INTS11: variants seen among roughly 807,000 people sequenced by gnomAD.
INTS11 encodes integrator complex subunit 11.
A neutral mutation model predicts 78.6 loss-of-function variants in INTS11; 77 were observed. The ratio of observed to expected loss-of-function variants is 0.98; its 90% CI spans 0.81 to 1.18. The LOEUF is 1.18. Among genes scored for constraint, INTS11 ranks in the 50% most tolerant of loss-of-function variants. The pLI, the probability that INTS11 is intolerant of heterozygous loss-of-function variation, is 0.00. For synonymous variants in INTS11, 441 were observed against 326.9 expected (o/e 1.35, Z -3.77); for missense variants, 875 against 825.9 (o/e 1.06, Z -0.73).
chr1:1,315,793 GCAGC>G (rs1642561225), intron 4 of INTS11, 175 bp from the exon 5 acceptor site: 1 of 73,748 alleles, frequency 1.4e-5, no homozygotes, highest in African/African-American at 4.3e-5. Context: ...AGGGAGGCGG[GCAGC>G]GAGGGAGGCA....
Position 1,313,605 on chromosome 1 carries a change from CAG to C in INTS11, c.958-15_958-14del, listed in dbSNP as rs1220946749. The C allele has an allele frequency of 4.3e-6, 7 of 1,612,882 alleles. No homozygotes were observed. The highest frequency in any genetic ancestry group is 5.9e-6 in the Non-Finnish European group (7 of 1,179,994). On this transcript the variant is annotated splice_polypyrimidine_tract_variant and intron_variant, in intron 9 of 16. Transcript: ENST00000435064. The stretch of plus-strand genomic sequence containing the variant: ...TGGCAAACACAACCTACAGGACACA[CAG>C]GGCCAGGTGGGGGGTCAGGGCAGCA...
intron 1 of INTS11, chr1:1,323,193 G>A (rs1442848878): frequency 1.3e-6 from 2 of 1,550,264 alleles, no homozygotes; most frequent in Admixed American, 3.9e-5. Context: ...CATGGGGGAG[G>A]ACATGGAATC....
chr1:1,312,110 C>A lies in INTS11; in HGVS notation c.1645G>T (p.Gly549Cys), dbSNP rs756503541. ...AGGACGGACTCCACAGTCACAGAGC[C>A]GTCTGGGAGGTGCTGCACACAGTGG... is the stretch of plus-strand genomic sequence containing the variant. ...KDHCVQHLPD[G>C]SVTVESVLLQ... The change falls in exon 16 of 17, where the codon GGC becomes TGC. Residue 549 changes from glycine (G) to cysteine (C), a missense_variant. Physicochemically the swap from Gly to Cys is radical, Grantham distance 159. Coordinates refer to ENST00000435064, the MANE Select transcript of INTS11 (RefSeq NM_017871.6). 3.1e-5 allele frequency: 49 copies of A among 1,571,368 alleles called. No individual in the cohort carries two copies. The highest frequency in any genetic ancestry group is 4.0e-5 in the Non-Finnish European group (46 of 1,159,452).
chr1:1,317,917 G>A (rs1158058144), intron 4 of INTS11: 1 of 151,982 alleles, frequency 6.6e-6, no homozygotes, highest in African/African-American at 2.4e-5. Flanking sequence ...CCAGGCTGGA[G>A]TGCAGTGGTG....
At chr1:1,315,485 G>A in intron 5 of INTS11, 35 bp downstream of exon 5, 1 of 1,612,588 alleles carries the variant, frequency 6.2e-7, no homozygotes, top group Non-Finnish European at 8.5e-7. Context: ...TCCCACCCCA[G>A]CAGCCCCTCC....
intron 6 of INTS11, 159 bp from the exon 7 acceptor site, chr1:1,315,121 G>A (rs1642498975): frequency 2.2e-6 from 2 of 927,274 alleles, no homozygotes; most frequent in South Asian, 1.7e-5. Flanking sequence ...AGCACACTTG[G>A]GAAGAGAGAG....
chr1:1,312,213 G>GGCGGGGGCCCCCCCCCCCC lies in INTS11; in HGVS notation c.1607+12_1607+13insGGGGGGGGGGGGCCCCCGC. The GGCGGGGGCCCCCCCCCCCC allele has an allele frequency of 1.1e-6, 1 of 934,626 alleles. No individual in the cohort carries two copies. The highest frequency in any genetic ancestry group is 1.6e-6 in the Non-Finnish European group (1 of 636,676). The allele number at this position is 934,626 out of a possible 1,614,324, so 57.9% of individuals were successfully genotyped here. ...CCCAAGGGAGTGGGGGGGGGGCGGG[G>GGCGGGGGCCCCCCCCCCCC]CCGGGCGCCCACCTCTTGAGGTGGC... On this transcript the variant is annotated intron_variant, in intron 15 of 16. Coordinates refer to ENST00000435064, the MANE Select transcript of INTS11 (RefSeq NM_017871.6).
At position 1,312,070 on chromosome 1, in the gene INTS11, G is replaced by A. The variant is rs1182263998; in HGVS notation, c.1685C>T (p.Ala562Val). ...TVESVLLQAA[A>V]PSEDPGTKVL... ...CTTGGTGCCTGGGTCCTCAGAAGGG[G>A]CGGCGGCCTGGAGGAGGACGGACTC... Residue 562 changes from alanine (A) to valine (V), a missense_variant, in exon 16 of 17, where the codon GCC (alanine) becomes GTC (valine). Coordinates refer to ENST00000435064, the MANE Select transcript of INTS11 (RefSeq NM_017871.6). 5.7e-6 allele frequency: 9 copies of A among 1,572,768 alleles called. No homozygotes were observed. The South Asian group carries it at 8.1e-5, about 14-fold the overall frequency.
chr1:1,319,133 C>T (rs894639312), intron 4 of INTS11, 163 bp downstream of exon 4: 15 of 804,066 alleles, frequency 1.9e-5, no homozygotes, highest in East Asian at 4.8e-5. Flanking sequence ...CGCATCCTCG[C>T]GCTGACGCCT....
In INTS11 at chr1:1,312,912, C is replaced by A; in HGVS notation, c.1169G>T (p.Ser390Ile). 1 of 1,612,468 alleles carries A rather than the reference C, an allele frequency of 6.2e-7. No individual in the cohort carries two copies. Among genetic ancestry groups the A allele is most frequent in the South Asian group, 1.1e-5 (1 of 91,078 alleles). The change falls in exon 12 of 17, where the codon AGC (serine) becomes ATC (isoleucine). Residue 390 changes from serine (S) to isoleucine (I), a missense_variant. Ser to Ile is a moderately radical substitution (Grantham distance 142). Coordinates refer to ENST00000435064, the MANE Select transcript of INTS11 (RefSeq NM_017871.6). ...VKMQVEYMSF[S>I]AHADAKGIMQ... Reference sequence around the variant, plus strand: ...GATGCCCTTGGCGTCCGCGTGTGCGCTGAATGACATGTACTCCACCTGCAT... The same window carrying A: ...GATGCCCTTGGCGTCCGCGTGTGCGATGAATGACATGTACTCCACCTGCAT...
chr1:1,314,601 G>A lies in INTS11; in HGVS notation c.702+223C>T. On this transcript the variant is annotated intron_variant, in intron 7 of 16. Transcript: ENST00000435064. This position sits in a 1 kb window ranked among gnomAD's most constrained non-coding sequence, Gnocchi z 4.2. ...CTGCATGAGAGACAGAAGGAGCCTG[G>A]CCAGGGCTTCGTCCGCACCTGAGGT... 3.1e-6 allele frequency: 2 copies of A among 652,866 alleles called. No homozygotes were observed. The highest frequency in any genetic ancestry group is 2.0e-5 in the South Asian group (1 of 49,738). 40.4% of individuals were successfully genotyped at this position (652,866 alleles called of 1,614,324 possible).
chr1:1,313,978 G>T, intron 8 of INTS11, 57 bp from the exon 9 acceptor site: 2 of 1,552,492 alleles, frequency 1.3e-6, no homozygotes, highest in Non-Finnish European at 1.8e-6. Flanking sequence ...CTGCAGGGCA[G>T]GACTCGGCCG....
rs969021982 is a variant in INTS11 at position 1,314,128 on chromosome 1, C to T, written c.767+173G>A. Reference sequence around the variant, plus strand: ...CCCCTACAAGAGCCGCACACGGTGGCGCTGACGGGATGTCACAGGCTTCCT... The same window carrying T: ...CCCCTACAAGAGCCGCACACGGTGGTGCTGACGGGATGTCACAGGCTTCCT... On this transcript the variant is annotated intron_variant, in intron 8 of 16. Coordinates refer to ENST00000435064, the MANE Select transcript of INTS11 (RefSeq NM_017871.6). This position sits in a 1 kb window ranked among gnomAD's most constrained non-coding sequence, Gnocchi z 4.2. 14 of 774,824 alleles carry T rather than the reference C, an allele frequency of 1.8e-5. No homozygotes were observed. Among genetic ancestry groups the T allele is most frequent in the Admixed American group, 1.4e-4 (6 of 42,256 alleles). 48.0% of individuals were successfully genotyped at this position (774,824 alleles called of 1,614,324 possible).
At chr1:1,318,446 C>T (rs1642743038) in intron 4 of INTS11, among the ~76,000 whole-genome samples, 2 of 151,904 alleles carry the variant, frequency 1.3e-5, no homozygotes, top group Non-Finnish European at 2.9e-5. Flanking sequence ...TCCCTGGAGC[C>T]CAGCCCAGGA....
chr1:1,319,277 G>A lies in INTS11; in HGVS notation c.429+19C>T. 6.3e-7 allele frequency: 1 copy of A among 1,592,266 alleles called. No homozygotes were observed. Among genetic ancestry groups the A allele is most frequent in the African/African-American group, 1.3e-5 (1 of 74,656 alleles). On this transcript the variant is annotated intron_variant, in intron 4 of 16. Coordinates refer to ENST00000435064, the MANE Select transcript of INTS11 (RefSeq NM_017871.6). Reference sequence around the variant, plus strand: ...GGGGTGGGCAGTGACTGTGCCAGCTGTGGCCCTGGGAACCTGACCTGGACC... The same window carrying A: ...GGGGTGGGCAGTGACTGTGCCAGCTATGGCCCTGGGAACCTGACCTGGACC...
In INTS11 at chr1:1,318,738, A is replaced by G; in HGVS notation, c.429+558T>C. 5.9e-6 allele frequency: 3 copies of G among 508,002 alleles called. No individual in the cohort carries two copies. In the South Asian group the frequency reaches 1.1e-4, roughly 18 times the overall value. The allele number at this position is 508,002 out of a possible 1,614,324, so 31.5% of individuals were successfully genotyped here. ...ATCAGAAAATTAAATGTTCCAAAAT[A>G]CATAGGTACCTAATATAGTTTCAAG... On this transcript the variant is annotated intron_variant, in intron 4 of 16. Transcript: ENST00000435064.
chr1:1,311,974 T>C (rs778164963), intron 16 of INTS11, 44 bp downstream of exon 16: 50 of 1,597,470 alleles, frequency 3.1e-5, no homozygotes, highest in African/African-American at 1.1e-4. Flanking sequence ...GGGAGGAATG[T>C]TGATACCTGT....
chr1:1,312,385 G>A lies in INTS11; in HGVS notation c.1465-17C>T. On this transcript the variant is annotated splice_polypyrimidine_tract_variant and intron_variant, in intron 14 of 16. Transcript: ENST00000435064. The stretch of plus-strand genomic sequence containing the variant: ...CCGGAAGTTCTGTGGGGCAGGGACA[G>A]GTCAGTGAGCGCAGCAGCGGCCCTC... The A allele has an allele frequency of 6.4e-7, 1 of 1,567,422 alleles. No homozygotes were observed. The highest frequency in any genetic ancestry group is 8.7e-7 in the Non-Finnish European group (1 of 1,155,652).
rs1323162216 is a variant in INTS11 at position 1,324,167 on chromosome 1, G to A, written c.28+414C>T. 2.1e-4 allele frequency among the ~76,000 whole-genome samples: 2 copies of A among 9,432 alleles called. 1 individual carries two copies. Among genetic ancestry groups the A allele is most frequent in the South Asian group, 0.016 (2 of 122 alleles). The allele number at this position is 9,432 out of a possible 152,430, so 6.2% of individuals were successfully genotyped here. A position where few individuals can be genotyped will look rare whatever the true frequency, so the allele number is the denominator to read the frequency against. ...GGCTGGGGGGCTGAGGGGCTGGGGGGCTGAGGGGCTGGGAGGCTGAGAGGC... is the reference window on the plus strand; with the variant it reads ...GGCTGGGGGGCTGAGGGGCTGGGGGACTGAGGGGCTGGGAGGCTGAGAGGC... On this transcript the variant is annotated intron_variant, in intron 1 of 16. Coordinates refer to ENST00000435064, the MANE Select transcript of INTS11 (RefSeq NM_017871.6).
Sources: allele counts gnomAD v4.1 joint callset (sites outside exome capture counted in the v4.1 genomes callset), GRCh38; gene constraint gnomAD v4.1.1; non-coding constraint Gnocchi (gnomAD v3.1); transcripts MANE v1.5; gene names NCBI Gene and HGNC (gene_info 2026-07-23, HGNC 2026-07-21).